The following CHST1 variants were observed in gnomAD, a reference collection of about 807,000 sequenced individuals.
CHST1 encodes the protein Keratan sulfotransferase.
A neutral mutation model predicts 22.5 loss-of-function variants in CHST1; 10 were observed. The ratio of observed to expected loss-of-function variants is 0.44; its 90% confidence interval spans 0.27 to 0.75. The LOEUF is 0.75. Ranked by LOEUF, CHST1 falls within the 30% of genes least tolerant of loss-of-function variation. CHST1 has a pLI of 0.15. For synonymous variants in CHST1, 267 were observed against 264.5 expected (o/e 1.01, Z -0.09); for missense variants, 439 against 576.1 (o/e 0.76, Z 2.44).
intron 1 of CHST1, among the ~76,000 whole-genome samples, chr11:45,656,874 G>A (rs529181866): frequency 3.7e-4 from 57 of 152,206 alleles, no homozygotes; most frequent in Non-Finnish European, 7.2e-4. Flanking sequence ...ATACAGGGAC[G>A]GAGCTGAAAT....
chr11:45,650,102 C>G lies in CHST1; in HGVS notation c.822G>C (p.Thr274=). 1 of 1,614,052 alleles carries G rather than the reference C, an allele frequency of 6.2e-7. No homozygotes were observed. Among genetic ancestry groups the G allele is most frequent in the Non-Finnish European group, 8.5e-7 (1 of 1,180,026 alleles). Residue 274 remains threonine, a synonymous_variant, in exon 4 of 4, where the codon ACG becomes ACC. Coordinates refer to ENST00000308064, the MANE Select transcript of CHST1 (RefSeq NM_003654.6). The part of the protein sequence containing the change: ...PYNLDVTQLT[T]VCEDFSNSVS... ...CGGAGTTGGAGAAGTCCTCGCACAC[C>G]GTGGTCAGCTGCGTCACGTCCAGGT... is the stretch of plus-strand genomic sequence containing the variant.
intron 1 of CHST1, among the ~76,000 whole-genome samples, chr11:45,653,471 G>A (rs1257706535): frequency 6.6e-6 from 1 of 152,084 alleles, no homozygotes; most frequent in Non-Finnish European, 1.5e-5. Context: ...GAGGATGCTG[G>A]CCTCCATCAT....
chr11:45,652,961 A>C (rs559036091), intron 1 of CHST1, among the ~76,000 whole-genome samples: 104 of 152,232 alleles, frequency 6.8e-4, no homozygotes, highest in Non-Finnish European at 1.2e-3. Context: ...GCATGCCATT[A>C]CTGGCCCCAG....
chr11:45,656,353 A>T (rs1385063527), intron 1 of CHST1, among the ~76,000 whole-genome samples: 2 of 152,234 alleles, frequency 1.3e-5, no homozygotes, highest in Non-Finnish European at 2.9e-5. Flanking sequence ...CTCAGACATG[A>T]ACGTACTGAT....
At chr11:45,656,302 C>T (rs1315682732) in intron 1 of CHST1, among the ~76,000 whole-genome samples, 3 of 152,180 alleles carry the variant, frequency 2.0e-5, no homozygotes, top group Non-Finnish European at 4.4e-5. Flanking sequence ...TTAACATGTC[C>T]AGGGAATTGT....
At position 45,649,566 on chromosome 11, in the gene CHST1, G is replaced by GTGTAGATCTCGGTGGTC; in HGVS notation, c.*121_*122insGACCACCGAGATCTACA. On this transcript the variant is annotated 3_prime_UTR_variant, in exon 4 of 4. Coordinates refer to ENST00000308064, the MANE Select transcript of CHST1 (RefSeq NM_003654.6). The stretch of plus-strand genomic sequence containing the variant: ...GGGCAGAAGGGAGTGGGGTGAGCTG[G>GTGTAGATCTCGGTGGTC]GGGCAGGAAGGACACGAAGATGAGG... The GTGTAGATCTCGGTGGTC allele has an allele frequency of 9.7e-7, 1 of 1,034,268 alleles. No homozygotes were observed. Among genetic ancestry groups the GTGTAGATCTCGGTGGTC allele is most frequent in the South Asian group, 1.5e-5 (1 of 64,632 alleles). The allele number at this position is 1,034,268 out of a possible 1,614,324, so 64.1% of individuals were successfully genotyped here. A position where few individuals can be genotyped will look rare whatever the true frequency, so the allele number is the denominator to read the frequency against.
rs769352708 is a variant in CHST1 at position 45,650,807 on chromosome 11, C to T, written c.117G>A (p.Glu39=). Residue 39 remains glutamate (E), a synonymous_variant, in exon 4 of 4, where the codon GAG becomes GAA. Transcript: ENST00000308064. ...CGCACAGTCGCTCGGCCAGCCCGGCCTCTGCCAGCCCGGGGCAGGTGTGAA... is the reference window on the plus strand; with the variant it reads ...CGCACAGTCGCTCGGCCAGCCCGGCTTCTGCCAGCCCGGGGCAGGTGTGAA... ...KSFHTCPGLA[E]AGLAERLCEE... is the part of the protein sequence containing the mutation. 2.5e-6 allele frequency: 4 copies of T among 1,612,610 alleles called. No homozygotes were observed. In the East Asian group the frequency reaches 8.9e-5, roughly 36 times the overall value.
chr11:45,661,969 C>A (rs1291559464), intron 1 of CHST1, among the ~76,000 whole-genome samples: 4 of 152,232 alleles, frequency 2.6e-5, no homozygotes, highest in African/African-American at 9.6e-5. Context: ...AATAACAGAT[C>A]AGCAGCTGCT....
chr11:45,649,731 G>A lies in CHST1; in HGVS notation c.1193C>T (p.Ser398Leu), dbSNP rs1564995555. 2.5e-6 allele frequency: 4 copies of A among 1,604,056 alleles called. No individual in the cohort carries two copies. The highest frequency in any genetic ancestry group is 1.7e-6 in the Non-Finnish European group (2 of 1,176,468). The change falls in exon 4 of 4, where the codon TCG (serine) becomes TTG (leucine). Residue 398 changes from serine to leucine, a missense_variant. Coordinates refer to ENST00000308064, the MANE Select transcript of CHST1 (RefSeq NM_003654.6). ...AASEEELKNP[S>L]VSLVEERDFR... ...GTCCCGCTCCTCCACCAGGCTGACC[G>A]AGGGGTTCTTCAGCTCCTCCTCCGA...
chr11:45,653,457 G>A (rs1852024318), intron 1 of CHST1, among the ~76,000 whole-genome samples: 1 of 152,126 alleles, frequency 6.6e-6, no homozygotes, highest in Non-Finnish European at 1.5e-5. Flanking sequence ...ATCCCATAGT[G>A]GCAGAGGATG....
intron 1 of CHST1, among the ~76,000 whole-genome samples, chr11:45,663,949 G>A (rs1230296401): frequency 6.6e-6 from 1 of 152,204 alleles, no homozygotes; most frequent in Non-Finnish European, 1.5e-5. Flanking sequence ...GGGTCATCAT[G>A]ATGCCTGGAA....
chr11:45,655,216 G>A (rs760131477), intron 1 of CHST1, among the ~76,000 whole-genome samples: 30 of 152,198 alleles, frequency 2.0e-4, no homozygotes, highest in Non-Finnish European at 2.6e-4. Context: ...TAATTAGTGA[G>A]TACAGTGCCT....
At chr11:45,659,864 C>T (rs769043191) in intron 1 of CHST1, among the ~76,000 whole-genome samples, 1 of 152,232 alleles carries the variant, frequency 6.6e-6, no homozygotes, top group Admixed American at 6.5e-5. Flanking sequence ...GGTTTGGGCT[C>T]TCTGCCCAGT....
At chr11:45,662,498 G>A (rs1852147911) in intron 1 of CHST1, among the ~76,000 whole-genome samples, 2 of 152,218 alleles carry the variant, frequency 1.3e-5, no homozygotes, top group African/African-American at 4.8e-5. Flanking sequence ...GGGAGAGGCT[G>A]TTTCAAAGCA....
chr11:45,656,299 G>A (rs1352275820), intron 1 of CHST1, among the ~76,000 whole-genome samples: 1 of 152,188 alleles, frequency 6.6e-6, no homozygotes, highest in East Asian at 1.9e-4. Context: ...TTATTAACAT[G>A]TCCAGGGAAT....
Position 45,649,802 on chromosome 11 carries a change from G to A in CHST1, c.1122C>T (p.Asn374=), listed in dbSNP as rs1299303782. 1 of 1,611,908 alleles carries A rather than the reference G, an allele frequency of 6.2e-7. No individual in the cohort carries two copies. The highest frequency in any genetic ancestry group is 1.7e-5 in the Admixed American group (1 of 60,028). ...GCTGGGCCAGCACCTGCTGGCAGGC[G>A]TTCTGGGCAAAGGCCACGATGTCGT... is the stretch of plus-strand genomic sequence containing the variant. ...LSYDIVAFAQ[N]ACQQVLAQLG... is the part of the protein sequence containing the mutation. The change falls in exon 4 of 4, where the codon AAC becomes AAT. Residue 374 remains asparagine, a synonymous_variant. Coordinates refer to ENST00000308064, the MANE Select transcript of CHST1 (RefSeq NM_003654.6).
At chr11:45,662,435 C>G (rs945932106) in intron 1 of CHST1, among the ~76,000 whole-genome samples, 1 of 152,152 alleles carries the variant, frequency 6.6e-6, no homozygotes, top group Non-Finnish European at 1.5e-5. Flanking sequence ...ACAAATGCTC[C>G]GTAGAAAAAA....
intron 1 of CHST1, among the ~76,000 whole-genome samples, chr11:45,662,631 C>T (rs1852149079): frequency 1.3e-5 from 2 of 152,230 alleles, no homozygotes; most frequent in African/African-American, 4.8e-5. Flanking sequence ...TGCTTTGGAA[C>T]ACTTACTATG....
chr11:45,657,110 A>T (rs1187644062), intron 1 of CHST1, among the ~76,000 whole-genome samples: 1 of 152,180 alleles, frequency 6.6e-6, no homozygotes, highest in Non-Finnish European at 1.5e-5. Flanking sequence ...CAAGAACTGG[A>T]GCAAGGGACA....
Sources: gnomAD v4.1 joint callset for allele counts (sites outside exome capture counted in the v4.1 genomes callset) on GRCh38, gnomAD v4.1.1 for gene constraint, MANE v1.5 for transcripts, NCBI Gene and HGNC (gene_info 2026-07-23, HGNC 2026-07-21) for gene names.